Variants in ERC1 observed in about 807,000 individuals in gnomAD.
The protein encoded by ERC1 is ELKS/RAB6-interacting/CAST family member 1.
ERC1 carries 56 observed loss-of-function variants against 132.0 expected under a neutral mutation model. The ratio of observed to expected loss-of-function variants is 0.42; its 90% CI spans 0.34 to 0.53. The LOEUF is 0.53. Ranked by LOEUF, ERC1 falls within the 20% of genes least tolerant of loss-of-function variation. ERC1 has a pLI of 0.03. For missense variants in ERC1, 1,202 were observed against 1,349.9 expected, an observed-to-expected ratio of 0.89 and a Z score of 1.72; for synonymous variants, 478 against 476.1, an observed-to-expected ratio of 1.00 and a Z score of -0.05.
chr12:1,398,829 C>T (rs148625690), intron 16 of ERC1, among the ~76,000 whole-genome samples: 5 of 151,130 alleles, frequency 3.3e-5, no homozygotes, highest in Non-Finnish European at 7.4e-5. Context: ...GGCAGGGACG[C>T]TTTGTCCTTG....
chr12:1,192,904 G>A (rs1315010221), intron 12 of ERC1, among the ~76,000 whole-genome samples: 1 of 152,162 alleles, frequency 6.6e-6, no homozygotes. Flanking sequence ...ATTGCTAGTT[G>A]TGATTGCTTT....
At chr12:1,265,646 T>C (rs2077432625) in intron 14 of ERC1, among the ~76,000 whole-genome samples, 3 of 152,226 alleles carry the variant, frequency 2.0e-5, no homozygotes, top group Non-Finnish European at 4.4e-5. Flanking sequence ...GCCAAATGTA[T>C]AATGACATGC....
At chr12:1,236,102 A>G (rs545843182) in intron 12 of ERC1, among the ~76,000 whole-genome samples, 31 of 152,232 alleles carry the variant, frequency 2.0e-4, no homozygotes, top group African/African-American at 7.5e-4. Flanking sequence ...AAGCTCAAAA[A>G]CATGTAAACT....
intron 7 of ERC1, among the ~76,000 whole-genome samples, chr12:1,116,983 G>C (rs948594043): frequency 2.0e-5 from 3 of 152,182 alleles, no homozygotes; most frequent in African/African-American, 7.2e-5. Flanking sequence ...TAGATATTTA[G>C]TGTATTTGCT....
At chr12:1,395,442 G>C (rs969261489) in intron 16 of ERC1, among the ~76,000 whole-genome samples, 1 of 147,728 alleles carries the variant, frequency 6.8e-6, no homozygotes, top group Non-Finnish European at 1.5e-5. Context: ...AATGTTGAAT[G>C]TGTTTTTATC....
At chr12:1,072,746 G>A (rs1344274436) in intron 2 of ERC1, among the ~76,000 whole-genome samples, 4 of 152,186 alleles carry the variant, frequency 2.6e-5, no homozygotes, top group African/African-American at 9.7e-5. Context: ...TGGCTGGAGT[G>A]CAGTGGTGCG....
intron 15 of ERC1, among the ~76,000 whole-genome samples, chr12:1,297,538 CA>C (rs34023344): frequency 0.4 from 32,294 of 80,732 alleles, 4,077 homozygotes; most frequent in Middle Eastern, 0.54. Flanking sequence ...CCTGTTTCTA[CA>C]AAAAAAAAAA....
chr12:1,081,470 G>T (rs958818338), intron 2 of ERC1, among the ~76,000 whole-genome samples: 2 of 152,182 alleles, frequency 1.3e-5, no homozygotes, highest in African/African-American at 4.8e-5. Flanking sequence ...TGCTACTAGA[G>T]GAGGAAAGCT....
intron 6 of ERC1, among the ~76,000 whole-genome samples, chr12:1,115,122 A>G (rs751718094): frequency 3.3e-5 from 5 of 152,222 alleles, no homozygotes; most frequent in Admixed American, 6.5e-5. Flanking sequence ...GGTGGTAGAC[A>G]TAATTTAAAA....
At position 1,257,611 on chromosome 12, in the gene ERC1, T is replaced by C. The variant is rs114422315; in HGVS notation, c.2488-5423T>C. Among the ~76,000 whole-genome samples, 254 of 152,298 alleles carry C rather than the reference T, an allele frequency of 1.7e-3. 1 individual carries two copies. Among genetic ancestry groups the C allele is most frequent in the Admixed American group, 4.6e-3 (70 of 15,304 alleles). The stretch of plus-strand genomic sequence containing the variant: ...TAACATTGGAGCTTTTGTTGGTGTT[T>C]ATTACCTATATAACTCATATTTGTC... On this transcript the variant is annotated intron_variant, in intron 13 of 18. Coordinates refer to ENST00000360905, the MANE Select transcript of ERC1 (RefSeq NM_178040.4).
At chr12:1,063,831 A>G (rs1372389690) in intron 2 of ERC1, among the ~76,000 whole-genome samples, 1 of 152,128 alleles carries the variant, frequency 6.6e-6, no homozygotes, top group Non-Finnish European at 1.5e-5. Flanking sequence ...TAGTGATAAC[A>G]TTTGACTAGT....
At chr12:1,104,021 G>T (rs2154199097) in intron 3 of ERC1, among the ~76,000 whole-genome samples, 1 of 142,154 alleles carries the variant, frequency 7.0e-6, no homozygotes, top group East Asian at 2.0e-4. Context: ...TTTATTTAGA[G>T]ACATTCACAG....
chr12:1,440,422 G>C (rs376905417), intron 17 of ERC1, among the ~76,000 whole-genome samples: 2 of 150,046 alleles, frequency 1.3e-5, no homozygotes, highest in Admixed American at 1.3e-4. Context: ...TAGCCAGGAT[G>C]GTCTCGATCT....
chr12:1,333,110 C>A (rs958394995), intron 15 of ERC1, among the ~76,000 whole-genome samples: 2 of 149,952 alleles, frequency 1.3e-5, no homozygotes, highest in Non-Finnish European at 2.9e-5. Flanking sequence ...CTCACCCCCC[C>A]TCCTCCATTA....
rs1346936035 is a variant in ERC1 at position 1,326,526 on chromosome 12, A to G, written c.2780+36514A>G. Among the ~76,000 whole-genome samples the G allele has an allele frequency of 4.6e-5, 7 of 152,350 alleles. No homozygotes were observed. The East Asian group carries it at 9.6e-4, about 21-fold the overall frequency. ...ATTTTCCAGCTATACCTTGTCCAGCATTCTTTATCAAAGCCAGAAAGACTA... is the reference window on the plus strand; with the variant it reads ...ATTTTCCAGCTATACCTTGTCCAGCGTTCTTTATCAAAGCCAGAAAGACTA... On this transcript the variant is annotated intron_variant, in intron 15 of 18. Transcript: ENST00000360905.
chr12:1,344,325 A>G (rs191908224), intron 15 of ERC1, among the ~76,000 whole-genome samples: 3 of 151,966 alleles, frequency 2.0e-5, no homozygotes, highest in Non-Finnish European at 4.4e-5. Flanking sequence ...CTGTACTTTG[A>G]GTATGCAGTA....
chr12:1,177,737 C>T (rs959503138), intron 8 of ERC1, among the ~76,000 whole-genome samples: 4 of 152,208 alleles, frequency 2.6e-5, no homozygotes, highest in Non-Finnish European at 5.9e-5. Context: ...GTGACAGAGA[C>T]ACCAAGTTAG....
chr12:1,119,840 G>C (rs1034865242), intron 7 of ERC1, among the ~76,000 whole-genome samples: 1 of 151,976 alleles, frequency 6.6e-6, no homozygotes, highest in Non-Finnish European at 1.5e-5. Context: ...GTGAGCCACC[G>C]CATCCATTCA....
At chr12:1,303,708 C>A (rs1465784874) in intron 15 of ERC1, among the ~76,000 whole-genome samples, 3 of 151,890 alleles carry the variant, frequency 2.0e-5, no homozygotes, top group Non-Finnish European at 4.4e-5. Context: ...GTAATCCCAG[C>A]ACTTTGGGAG....
Sources: gnomAD v4.1 joint callset for allele counts (sites outside exome capture counted in the v4.1 genomes callset) on GRCh38, gnomAD v4.1.1 for gene constraint, MANE v1.5 for transcripts, NCBI Gene and HGNC (gene_info 2026-07-23, HGNC 2026-07-21) for gene names.